Variants in MAP3K2 observed in about 807,000 individuals in gnomAD.
MAP3K2 encodes mitogen-activated protein kinase kinase kinase 2.
A neutral mutation model predicts 80.3 loss-of-function variants in MAP3K2; 24 were observed. That is an observed-to-expected ratio of 0.30 (90% CI 0.22 to 0.42). MAP3K2 has a LOEUF of 0.42. MAP3K2 is among the 10% of genes least tolerant of loss of function. The pLI is 1.00. For missense variants in MAP3K2, 608 were observed against 750.1 expected, an observed-to-expected ratio of 0.81 and a Z score of 2.21; for synonymous variants, 244 against 253.7, an observed-to-expected ratio of 0.96 and a Z score of 0.36.
At chr2:127,381,141 T>C (rs1169256518) in intron 1 of MAP3K2, among the ~76,000 whole-genome samples, 1 of 152,200 alleles carries the variant, frequency 6.6e-6, no homozygotes, top group Non-Finnish European at 1.5e-5. Context: ...AGTTGAGGCA[T>C]GCACCACACA....
intron 1 of MAP3K2, among the ~76,000 whole-genome samples, chr2:127,351,875 GTGTTT>G (rs1686697356): frequency 6.6e-6 from 1 of 151,170 alleles, no homozygotes; most frequent in Non-Finnish European, 1.5e-5. Flanking sequence ...TTGTTTTTTT[GTGTTT>G]TTTTTTTCTT....
chr2:127,329,101 C>T (rs1301883449), intron 7 of MAP3K2, among the ~76,000 whole-genome samples: 1 of 152,100 alleles, frequency 6.6e-6, no homozygotes, highest in Admixed American at 6.5e-5. Flanking sequence ...CGAATAAAGC[C>T]TCCTTAAACT....
In MAP3K2 at chr2:127,317,696, T is replaced by C; in HGVS notation, c.1259A>G (p.Gln420Arg). Residue 420 changes from glutamine to arginine, a missense_variant, in exon 14 of 17, where the codon CAG becomes CGG. Around this residue, in one of 4 missense-constraint regions of MAP3K2, gnomAD observed 467 missense variants for 521.9 expected, o/e 0.89. Coordinates refer to ENST00000682094, the MANE Select transcript of MAP3K2 (RefSeq NM_001371910.2). ...GGGATCCCTCAAACAGCCATAATACTGAACAATTCGCTCATGTAGCAAGTT... is the reference window on the plus strand; with the variant it reads ...GGGATCCCTCAAACAGCCATAATACCGAACAATTCGCTCATGTAGCAAGTT... ...LKNLLHERIV[Q>R]YYGCLRDPQE... 1.3e-6 allele frequency: 2 copies of C among 1,598,078 alleles called. No individual in the cohort carries two copies. The highest frequency in any genetic ancestry group is 1.3e-5 in the African/African-American group (1 of 74,866).
At chr2:127,346,023 A>T (rs935331491) in intron 1 of MAP3K2, among the ~76,000 whole-genome samples, 8 of 146,614 alleles carry the variant, frequency 5.5e-5, no homozygotes, top group East Asian at 2.0e-4. Flanking sequence ...ACTGAAATTT[A>T]AAAAAAAAAT....
rs1007586928 is a variant in MAP3K2 at position 127,307,984 on chromosome 2, A to T, written c.1635-180T>A. Among the ~76,000 whole-genome samples, 3 of 152,228 alleles carry T rather than the reference A, an allele frequency of 2.0e-5. No individual in the cohort carries two copies. Among genetic ancestry groups the T allele is most frequent in the African/African-American group, 7.2e-5 (3 of 41,462 alleles). On this transcript the variant is annotated intron_variant, in intron 16 of 16. Coordinates refer to ENST00000682094, the MANE Select transcript of MAP3K2 (RefSeq NM_001371910.2). The surrounding 1 kb of genome is among the most constrained non-coding windows in gnomAD (Gnocchi z 5.4). ...ACTAATTTAAACATAAAAATCAATT[A>T]AAATAAATTTAATGACTATCACTTA...
Position 127,319,891 on chromosome 2 carries a change from C to CTT in MAP3K2, c.1046-1576_1046-1575dup, listed in dbSNP as rs796075988. 7.3e-5 allele frequency among the ~76,000 whole-genome samples: 11 copies of CTT among 150,880 alleles called. 1 individual carries two copies. Among genetic ancestry groups the CTT allele is most frequent in the African/African-American group, 2.7e-4 (11 of 41,294 alleles). On this transcript the variant is annotated intron_variant, in intron 12 of 16. Transcript: ENST00000682094. ...TGGAGCAGGACCATTGAGAAAATCC[C>CTT]TTTAGGAAACCAGCACAAGGTAATT...
At chr2:127,329,831 C>A in intron 7 of MAP3K2, 90 bp downstream of exon 7, 3 of 708,872 alleles carry the variant, frequency 4.2e-6, no homozygotes, top group Admixed American at 2.5e-5. Flanking sequence ...TATTATTTAT[C>A]AGGAATATGT....
chr2:127,363,143 T>C (rs192944947), intron 1 of MAP3K2, among the ~76,000 whole-genome samples: 14 of 152,298 alleles, frequency 9.2e-5, no homozygotes, highest in Admixed American at 2.6e-4. Flanking sequence ...ATAAGAGATG[T>C]TGAGCAACTG....
At chr2:127,335,355 C>T (rs1168403310) in intron 5 of MAP3K2, among the ~76,000 whole-genome samples, 1 of 152,128 alleles carries the variant, frequency 6.6e-6, no homozygotes, top group African/African-American at 2.4e-5. Context: ...TCACTGAATC[C>T]AATCCTAAGT....
At position 127,306,618 on chromosome 2, in the gene MAP3K2, G is replaced by A. The variant is rs1053494973; in HGVS notation, c.*961C>T. On this transcript the variant is annotated 3_prime_UTR_variant, in exon 17 of 17. Transcript: ENST00000682094. The surrounding 1 kb of genome is among the most constrained non-coding windows in gnomAD (Gnocchi z 4.7). ...GGGGAATCAGGAGCTGGAAATAGAA[G>A]ATGGTATACATGATTTTGATTATTT... 1.3e-5 allele frequency: 2 copies of A among 152,164 alleles called. No individual in the cohort carries two copies. Among genetic ancestry groups the A allele is most frequent in the South Asian group, 4.1e-4 (2 of 4,828 alleles). The allele number at this position is 152,164 out of a possible 1,614,324, so 9.4% of individuals were successfully genotyped here. A position where few individuals can be genotyped will look rare whatever the true frequency, so the allele number is the denominator to read the frequency against.
intron 1 of MAP3K2, among the ~76,000 whole-genome samples, chr2:127,347,970 A>G (rs1226306266): frequency 6.6e-6 from 1 of 152,152 alleles, no homozygotes; most frequent in Non-Finnish European, 1.5e-5. Flanking sequence ...GTATATACCC[A>G]AGAGAACTGA....
Position 127,364,086 on chromosome 2 carries a change from C to CACACATATGAA in MAP3K2, c.-65-20893_-65-20892insTTCATATGTGT, listed in dbSNP as rs1191649666. Among the ~76,000 whole-genome samples, 47 of 152,276 alleles carry CACACATATGAA rather than the reference C, an allele frequency of 3.1e-4. No homozygotes were observed. The highest frequency in any genetic ancestry group is 1.3e-3 in the Admixed American group (20 of 15,294). On this transcript the variant is annotated intron_variant, in intron 1 of 16. Coordinates refer to ENST00000682094, the MANE Select transcript of MAP3K2 (RefSeq NM_001371910.2). This position sits in a 1 kb window ranked among gnomAD's most constrained non-coding sequence, Gnocchi z 4.1. ...TCCTTACAACCATAACATAATATAG[C>CACACATATGAA]ACACATATGTTTCAGTCAATCTAAC...
chr2:127,329,024 G>A (rs755230142), intron 7 of MAP3K2, among the ~76,000 whole-genome samples: 1 of 152,142 alleles, frequency 6.6e-6, no homozygotes, highest in Non-Finnish European at 1.5e-5. Flanking sequence ...GATTATCAAT[G>A]TTTTATACAA....
At chr2:127,378,110 C>A in intron 1 of MAP3K2, 1 of 932,644 alleles carries the variant, frequency 1.1e-6, no homozygotes, top group Non-Finnish European at 1.3e-6. Context: ...TACCAGAATG[C>A]AAAGATACTG....
intron 1 of MAP3K2, among the ~76,000 whole-genome samples, chr2:127,373,120 T>TCCC (rs1304294327): frequency 6.6e-6 from 1 of 152,180 alleles, no homozygotes; most frequent in African/African-American, 2.4e-5. Flanking sequence ...GGAAAGTGCT[T>TCCC]CCCCAAGGAA....
chr2:127,343,613 A>C (rs1389342964), intron 1 of MAP3K2, among the ~76,000 whole-genome samples: 2 of 152,230 alleles, frequency 1.3e-5, no homozygotes, highest in Non-Finnish European at 2.9e-5. Context: ...TAAAAAAAAA[A>C]CTGCATAACG....
Position 127,378,983 on chromosome 2 carries a change from T to G in MAP3K2, c.-66+8469A>C, listed in dbSNP as rs1345142015. On this transcript the variant is annotated intron_variant, in intron 1 of 16. Coordinates refer to ENST00000682094, the MANE Select transcript of MAP3K2 (RefSeq NM_001371910.2). ...CTAATTTTGTGGGGTTTTTTGTTGTTTTTTTTTTTTTTTTTTTTTGGAGAG... is the reference window on the plus strand; with the variant it reads ...CTAATTTTGTGGGGTTTTTTGTTGTGTTTTTTTTTTTTTTTTTTTGGAGAG... Among the ~76,000 whole-genome samples, 263 of 41,260 alleles carry G rather than the reference T, an allele frequency of 6.4e-3. 5 individuals are homozygous for G. Among genetic ancestry groups the G allele is most frequent in the African/African-American group, 0.024 (221 of 9,238 alleles). The allele number at this position is 41,260 out of a possible 152,430, so 27.1% of individuals were successfully genotyped here.
rs1392125959 is a variant in MAP3K2 at position 127,307,159 on chromosome 2, A to G, written c.*420T>C. ...ATGAGGATATATTTTAAATACTATC[A>G]CTAAAAACTACAAATTATACATCAT... is the stretch of plus-strand genomic sequence containing the variant. On this transcript the variant is annotated 3_prime_UTR_variant, in exon 17 of 17. Coordinates refer to ENST00000682094, the MANE Select transcript of MAP3K2 (RefSeq NM_001371910.2). This position sits in a 1 kb window ranked among gnomAD's most constrained non-coding sequence, Gnocchi z 5.4. 1 of 153,108 alleles carries G rather than the reference A, an allele frequency of 6.5e-6. No homozygotes were observed. Among genetic ancestry groups the G allele is most frequent in the African/African-American group, 2.4e-5 (1 of 41,426 alleles). 9.5% of individuals were successfully genotyped at this position (153,108 alleles called of 1,614,324 possible).
chr2:127,384,213 GATATATAT>G (rs35560058), intron 1 of MAP3K2, among the ~76,000 whole-genome samples: 23 of 144,476 alleles, frequency 1.6e-4, no homozygotes, highest in Non-Finnish European at 2.9e-4. Context: ...ATTTTTAATT[GATATATAT>G]ATATATATAT....
Sources: allele counts gnomAD v4.1 joint callset (sites outside exome capture counted in the v4.1 genomes callset), GRCh38; gene constraint gnomAD v4.1.1; regional missense constraint gnomAD v4.1.1; non-coding constraint Gnocchi (gnomAD v3.1); transcripts MANE v1.5; gene names NCBI Gene and HGNC (gene_info 2026-07-23, HGNC 2026-07-21).